The following THSD4 variants were observed in gnomAD, a reference collection of about 807,000 sequenced individuals.
The protein encoded by THSD4 is thrombospondin type-1 domain-containing protein 4.
A neutral mutation model predicts 119.0 loss-of-function variants in THSD4; 69 were observed. That is an observed-to-expected ratio of 0.58 (90% CI 0.48 to 0.71). The LOEUF is 0.71. Among genes scored for constraint, THSD4 ranks in the 30% least tolerant of loss-of-function variants. The pLI, the probability that THSD4 is intolerant of heterozygous loss-of-function variation, is 0.00. For synonymous variants in THSD4, 524 were observed against 540.4 expected, an observed-to-expected ratio of 0.97 and a Z score of 0.42; for missense variants, 1,393 against 1,391.1, an observed-to-expected ratio of 1.00 and a Z score of -0.02.
At chr15:71,634,235 C>A (rs1291054642) in intron 7 of THSD4, among the ~76,000 whole-genome samples, 1 of 139,118 alleles carries the variant, frequency 7.2e-6, no homozygotes, top group Non-Finnish European at 1.6e-5. Flanking sequence ...CTAGTAGCCA[C>A]CTCACTGGGT....
intron 7 of THSD4, among the ~76,000 whole-genome samples, chr15:71,656,009 C>A (rs990471332): frequency 6.6e-6 from 1 of 152,162 alleles, no homozygotes; most frequent in South Asian, 2.1e-4. Context: ...GGTTTGCAGC[C>A]CAACATTCTT....
intron 7 of THSD4, among the ~76,000 whole-genome samples, chr15:71,477,373 G>T (rs1366009391): frequency 6.6e-6 from 1 of 152,186 alleles, no homozygotes; most frequent in South Asian, 2.1e-4. Context: ...GGAGTCCAGA[G>T]GTAGAGGAAG....
chr15:71,777,367 G>C lies in THSD4; in HGVS notation c.3050G>C (p.Ser1017Thr). 6.2e-7 allele frequency: 1 copy of C among 1,613,656 alleles called. No homozygotes were observed. Among genetic ancestry groups the C allele is most frequent in the Non-Finnish European group, 8.5e-7 (1 of 1,179,932 alleles). Residue 1017 changes from serine (S) to threonine (T), a missense_variant, in exon 18 of 18, where the codon AGC (serine) becomes ACC (threonine). Transcript: ENST00000261862. ...VANRQTGFLG[S>T]R is the part of the protein sequence containing the mutation. The stretch of plus-strand genomic sequence containing the variant: ...AACAGGCAGACGGGCTTCCTGGGGA[G>C]CAGATAACACTCCTGCACCCCCATC...
Position 71,409,412 on chromosome 15 carries a change from A to G in THSD4, c.1016-2275A>G, listed in dbSNP as rs959449033. On this transcript the variant is annotated intron_variant, in intron 6 of 17. Transcript: ENST00000261862. Reference sequence around the variant, plus strand: ...AGGGAATGGGGTCTTGGTAGATGAAATGAGAAAGCAAGTTGTAGGAGATGA... The same window carrying G: ...AGGGAATGGGGTCTTGGTAGATGAAGTGAGAAAGCAAGTTGTAGGAGATGA... 6.4e-4 allele frequency among the ~76,000 whole-genome samples: 97 copies of G among 152,332 alleles called. 1 individual carries two copies. The highest frequency in any genetic ancestry group is 2.3e-3 in the African/African-American group (94 of 41,584).
chr15:71,151,513 A>G (rs978424951), intron 2 of THSD4, among the ~76,000 whole-genome samples: 1 of 152,124 alleles, frequency 6.6e-6, no homozygotes, highest in Admixed American at 6.5e-5. Flanking sequence ...TTGAGGTAGG[A>G]GGACAGGTTA....
At chr15:71,246,102 G>T (rs1011468171) in intron 5 of THSD4, among the ~76,000 whole-genome samples, 40 of 152,252 alleles carry the variant, frequency 2.6e-4, no homozygotes, top group African/African-American at 9.1e-4. Flanking sequence ...TGACACGGAG[G>T]AACTGAGTTT....
In THSD4 at chr15:71,777,447, G is replaced by A. The variant is rs2053935491; in HGVS notation, c.*73G>A. The A allele has an allele frequency of 7.8e-6, 12 of 1,535,906 alleles. No individual in the cohort carries two copies. Among genetic ancestry groups the A allele is most frequent in the African/African-American group, 1.4e-5 (1 of 73,146 alleles). ...GCTTCAGCAGTGCGCCTGGCTGGCT[G>A]CTGCTCCACCACGGGCCCCCTGGCC... On this transcript the variant is annotated 3_prime_UTR_variant, in exon 18 of 18. Coordinates refer to ENST00000261862, the MANE Select transcript of THSD4 (RefSeq NM_024817.3).
chr15:71,510,130 T>C (rs963788872), intron 7 of THSD4, among the ~76,000 whole-genome samples: 5 of 152,134 alleles, frequency 3.3e-5, no homozygotes, highest in African/African-American at 9.7e-5. Context: ...ACTTTGCCCA[T>C]TGGTAGAAAG....
Position 71,372,440 on chromosome 15 carries a change from C to T in THSD4, c.1016-39247C>T, listed in dbSNP as rs143288242. On this transcript the variant is annotated intron_variant, in intron 6 of 17. Transcript: ENST00000261862. ...TACTTTTGGTCTTTGATGATGGTGACGTACAGATGGGGTTTTGGTGTGGAT... is the reference window on the plus strand; with the variant it reads ...TACTTTTGGTCTTTGATGATGGTGATGTACAGATGGGGTTTTGGTGTGGAT... Among the ~76,000 whole-genome samples the T allele has an allele frequency of 3.9e-3, 599 of 152,312 alleles. 29 individuals carry two copies. In the South Asian group the frequency reaches 0.056, roughly 14 times the overall value.
At chr15:71,159,286 G>A (rs1174328144) in intron 3 of THSD4, among the ~76,000 whole-genome samples, 1 of 152,040 alleles carries the variant, frequency 6.6e-6, no homozygotes, top group Admixed American at 6.6e-5. Flanking sequence ...CAGGATTACT[G>A]TGCCTATTTG....
intron 4 of THSD4, among the ~76,000 whole-genome samples, chr15:71,238,304 C>T (rs2044123583): frequency 6.6e-6 from 1 of 152,114 alleles, no homozygotes; most frequent in Non-Finnish European, 1.5e-5. Flanking sequence ...TTAAAAAAAA[C>T]TTTATTGAGA....
At chr15:71,550,697 C>A (rs1182187435) in intron 7 of THSD4, among the ~76,000 whole-genome samples, 3 of 152,166 alleles carry the variant, frequency 2.0e-5, no homozygotes, top group Non-Finnish European at 4.4e-5. Flanking sequence ...ACCTCAGCCT[C>A]CCAAAGTGCT....
Position 71,745,244 on chromosome 15 carries a change from G to A in THSD4, c.2036+9G>A, listed in dbSNP as rs762161368. On this transcript the variant is annotated intron_variant, in intron 12 of 17. Coordinates refer to ENST00000261862, the MANE Select transcript of THSD4 (RefSeq NM_024817.3). ...TTCCCTTGCCCAGCCTTGTAAGAAG[G>A]CCCCTCCATTTAGGTCGCCTATTAC... The A allele has an allele frequency of 1.2e-6, 2 of 1,613,412 alleles. No individual in the cohort carries two copies. The highest frequency in any genetic ancestry group is 1.7e-6 in the Non-Finnish European group (2 of 1,179,788).
chr15:71,501,869 C>G (rs2048117362), intron 7 of THSD4, among the ~76,000 whole-genome samples: 1 of 152,198 alleles, frequency 6.6e-6, no homozygotes, highest in Non-Finnish European at 1.5e-5. Context: ...TTTGACTTCT[C>G]TTTCCCATCT....
chr15:71,307,640 G>A (rs555682012), intron 6 of THSD4, among the ~76,000 whole-genome samples: 2 of 152,004 alleles, frequency 1.3e-5, no homozygotes, highest in Admixed American at 6.6e-5. Context: ...ATGGTGGGGG[G>A]CACCTGTAAT....
At chr15:71,203,401 T>C (rs761595820) in intron 3 of THSD4, among the ~76,000 whole-genome samples, 25 of 152,156 alleles carry the variant, frequency 1.6e-4, no homozygotes, top group Middle Eastern at 3.2e-3. Context: ...ATGCCTGTAA[T>C]CTCAGCACTT....
intron 6 of THSD4, among the ~76,000 whole-genome samples, chr15:71,362,638 C>G (rs1353256316): frequency 1.3e-5 from 2 of 152,116 alleles, no homozygotes; most frequent in African/African-American, 2.4e-5. Context: ...TATTCTTGAA[C>G]TATTTTGCAA....
At chr15:71,646,839 C>T (rs1306867241) in intron 7 of THSD4, among the ~76,000 whole-genome samples, 4 of 152,178 alleles carry the variant, frequency 2.6e-5, no homozygotes, top group Non-Finnish European at 5.9e-5. Flanking sequence ...CGGCTGCAGC[C>T]CTGGGCACTC....
chr15:71,126,218 A>G (rs1025041532), intron 1 of THSD4, among the ~76,000 whole-genome samples: 2 of 152,182 alleles, frequency 1.3e-5, no homozygotes, highest in Admixed American at 6.5e-5. Context: ...ACCCAGCAGT[A>G]ACGAAGCCAT....
Sources: allele counts gnomAD v4.1 joint callset (sites outside exome capture counted in the v4.1 genomes callset), GRCh38; gene constraint gnomAD v4.1.1; transcripts MANE v1.5; gene names NCBI Gene and HGNC (gene_info 2026-07-23, HGNC 2026-07-21).